The following MATN2 variants were observed in gnomAD, a reference collection of about 807,000 sequenced individuals.
MATN2 encodes matrilin 2.
A neutral mutation model predicts 103.2 loss-of-function variants in MATN2; 69 were observed. That is an observed-to-expected ratio of 0.67 (90% CI 0.55 to 0.82). MATN2 has a LOEUF of 0.82. MATN2 is among the 40% of genes least tolerant of loss of function. The pLI, the probability that MATN2 is intolerant of heterozygous loss-of-function variation, is 0.00. For synonymous variants in MATN2, 429 were observed against 450.2 expected, an observed-to-expected ratio of 0.95 and a Z score of 0.60; for missense variants, 1,023 against 1,211.5, an observed-to-expected ratio of 0.84 and a Z score of 2.31.
intron 2 of MATN2, among the ~76,000 whole-genome samples, chr8:97,923,110 C>T (rs1037464330): frequency 5.9e-5 from 9 of 151,536 alleles, no homozygotes; most frequent in Non-Finnish European, 7.4e-5. Flanking sequence ...AGGAATAAAA[C>T]GTACATTTTG....
chr8:97,994,549 C>A lies in MATN2; in HGVS notation c.1151C>A (p.Ser384Tyr). 1 of 1,613,712 alleles carries A rather than the reference C, an allele frequency of 6.2e-7. No individual in the cohort carries two copies. The highest frequency in any genetic ancestry group is 8.5e-7 in the Non-Finnish European group (1 of 1,179,760). ...HECVNTDDSY[S>Y]CHCLKGFTLN... ...TGTGTTAACACAGATGATTCCTATT[C>A]CTGCCACTGCCTGAAAGGCTTTACC... The change falls in exon 7 of 19, where the codon TCC becomes TAC. Residue 384 changes from serine to tyrosine, a missense_variant. Transcript: ENST00000254898.
At chr8:97,910,237 T>C (rs140892964) in intron 2 of MATN2, among the ~76,000 whole-genome samples, 1 of 151,846 alleles carries the variant, frequency 6.6e-6, no homozygotes, top group East Asian at 1.9e-4. Flanking sequence ...AATTTTTGTA[T>C]TTTTTGGTAG....
In MATN2 at chr8:97,960,281, A is replaced by G. The variant is rs368529838; in HGVS notation, c.836-1127A>G. Among the ~76,000 whole-genome samples the G allele has an allele frequency of 5.3e-5, 8 of 152,032 alleles. No homozygotes were observed. In the East Asian group the frequency reaches 7.7e-4, roughly 15 times the overall value. ...CAGTGATAGCTTTTAACCAGAGAAA[A>G]TTCTCTTTAATATATTCAACCCCTT... is the stretch of plus-strand genomic sequence containing the variant. On this transcript the variant is annotated intron_variant, in intron 4 of 18. Coordinates refer to ENST00000254898, the MANE Select transcript of MATN2 (RefSeq NM_002380.5).
intron 2 of MATN2, among the ~76,000 whole-genome samples, chr8:97,915,932 A>G (rs963974073): frequency 6.6e-6 from 1 of 152,152 alleles, no homozygotes; most frequent in African/African-American, 2.4e-5. Context: ...TCAATTTGAG[A>G]AAGGAAGAAA....
At chr8:98,012,371 T>C (rs1813200912) in intron 10 of MATN2, among the ~76,000 whole-genome samples, 1 of 152,016 alleles carries the variant, frequency 6.6e-6, no homozygotes. Context: ...CCCCCTAGTC[T>C]AGAGAAAGAG....
At chr8:97,991,647 G>A (rs944039976) in intron 6 of MATN2, among the ~76,000 whole-genome samples, 3 of 151,922 alleles carry the variant, frequency 2.0e-5, no homozygotes, top group Non-Finnish European at 4.4e-5. Context: ...GCTTGAACCC[G>A]GGAGGCGGAG....
At chr8:97,906,007 A>C (rs561968416) in intron 2 of MATN2, among the ~76,000 whole-genome samples, 4 of 152,272 alleles carry the variant, frequency 2.6e-5, no homozygotes, top group African/African-American at 9.6e-5. Context: ...TTAGCACACA[A>C]GTATCTTCTT....
At chr8:97,933,015 A>G (rs1810248468) in intron 3 of MATN2, among the ~76,000 whole-genome samples, 1 of 152,212 alleles carries the variant, frequency 6.6e-6, no homozygotes, top group Non-Finnish European at 1.5e-5. Flanking sequence ...TCTAAGATAT[A>G]GCCCCCAGCG....
chr8:97,883,450 T>A lies in MATN2; in HGVS notation c.-26-4625T>A, dbSNP rs371249948. On this transcript the variant is annotated intron_variant, in intron 1 of 18. Coordinates refer to ENST00000254898, the MANE Select transcript of MATN2 (RefSeq NM_002380.5). ...TTACCCAGGCTGGAGTACAGTGGTG[T>A]GATTATGGCTCACTGCCACCTCGAC... Among the ~76,000 whole-genome samples, 377 of 152,072 alleles carry A rather than the reference T, an allele frequency of 2.5e-3. 2 individuals are homozygous for A. Among genetic ancestry groups the A allele is most frequent in the African/African-American group, 8.6e-3 (356 of 41,496 alleles).
At chr8:98,009,007 A>G (rs2130393570) in intron 10 of MATN2, among the ~76,000 whole-genome samples, 1 of 152,252 alleles carries the variant, frequency 6.6e-6, no homozygotes, top group East Asian at 1.9e-4. Context: ...AGTGTTGCCC[A>G]TTTTCTCATT....
chr8:97,897,622 T>A (rs1407208398), intron 2 of MATN2, among the ~76,000 whole-genome samples: 2 of 152,240 alleles, frequency 1.3e-5, no homozygotes, highest in Non-Finnish European at 2.9e-5. Flanking sequence ...TTTTAAAATT[T>A]TTTTTTAAAC....
intron 2 of MATN2, among the ~76,000 whole-genome samples, chr8:97,890,316 T>C (rs948462187): frequency 6.6e-6 from 1 of 151,942 alleles, no homozygotes; most frequent in African/African-American, 2.4e-5. Context: ...AATACAAAAA[T>C]TAGCTGGGCA....
Position 98,007,342 on chromosome 8 carries a change from T to C in MATN2, c.1450+115T>C. 2 of 1,558,770 alleles carry C rather than the reference T, an allele frequency of 1.3e-6. No homozygotes were observed. The highest frequency in any genetic ancestry group is 1.8e-6 in the Non-Finnish European group (2 of 1,141,714). The stretch of plus-strand genomic sequence containing the variant: ...ACCCCTCCCCTGCCCCTTGCTCTGC[T>C]CCAGGAGATAGTGAGGATGTCCACT... On this transcript the variant is annotated intron_variant, in intron 9 of 18. Coordinates refer to ENST00000254898, the MANE Select transcript of MATN2 (RefSeq NM_002380.5). The surrounding 1 kb of genome is among the most constrained non-coding windows in gnomAD (Gnocchi z 4.2).
rs1283016008 is a variant in MATN2 at position 98,016,565 on chromosome 8, C to A, written c.1599C>A (p.Asp533Glu). Residue 533 changes from aspartate to glutamate, a missense_variant, in exon 11 of 19, where the codon GAC becomes GAA. By Grantham distance (45) the Asp-to-Glu change is conservative (BLOSUM62 2). Coordinates refer to ENST00000254898, the MANE Select transcript of MATN2 (RefSeq NM_002380.5). ...AATTGGACTCTTGTGCTCTGGGGGA[C>A]CACGGTTGTGAACATTCGTGTGTAA... is the stretch of plus-strand genomic sequence containing the variant. ...CAKLDSCALG[D>E]HGCEHSCVSS... is the part of the protein sequence containing the mutation. 6.2e-7 allele frequency: 1 copy of A among 1,610,128 alleles called. No individual in the cohort carries two copies. The highest frequency in any genetic ancestry group is 1.3e-5 in the African/African-American group (1 of 74,834).
chr8:97,958,619 C>T (rs2130249680), intron 4 of MATN2, among the ~76,000 whole-genome samples: 1 of 152,368 alleles, frequency 6.6e-6, no homozygotes, highest in East Asian at 1.9e-4. Context: ...CCCAAAGCTA[C>T]TTCAGCCCGG....
At chr8:97,923,551 C>G (rs796288833) in intron 2 of MATN2, among the ~76,000 whole-genome samples, 66 of 128,952 alleles carry the variant, frequency 5.1e-4, no homozygotes, top group African/African-American at 1.7e-3. Context: ...CTCTCTCTCT[C>G]TCTCTCTGTC....
At chr8:97,977,119 C>CTAG (rs1811861175) in intron 5 of MATN2, among the ~76,000 whole-genome samples, 3 of 151,286 alleles carry the variant, frequency 2.0e-5, no homozygotes, top group Admixed American at 2.0e-4. Context: ...ACCTGTAGTC[C>CTAG]CAGCTACTTG....
intron 6 of MATN2, among the ~76,000 whole-genome samples, chr8:97,981,367 G>A (rs1054023799): frequency 6.6e-6 from 1 of 152,022 alleles, no homozygotes; most frequent in African/African-American, 2.4e-5. Context: ...GCCTCCCAAA[G>A]TGCTGGAATT....
At chr8:97,994,796 C>T (rs2290473) in intron 7 of MATN2, among the ~76,000 whole-genome samples, 194 bp downstream of exon 7, 14,148 of 152,120 alleles carry the variant, frequency 0.093, 929 homozygotes, top group Admixed American at 0.19. Context: ...TTGAATAGGT[C>T]TGGCCATTAG....
Sources: gnomAD v4.1 joint callset for allele counts (sites outside exome capture counted in the v4.1 genomes callset) on GRCh38, gnomAD v4.1.1 for gene constraint, Gnocchi (gnomAD v3.1) non-coding constraint, MANE v1.5 for transcripts, NCBI Gene and HGNC (gene_info 2026-07-23, HGNC 2026-07-21) for gene names.